SUMF1: variants seen among roughly 807,000 people sequenced by gnomAD.
SUMF1 encodes the protein sulfatase modifying factor 1.
SUMF1 carries 48 observed loss-of-function variants against 47.6 expected under a neutral mutation model. The observed-to-expected ratio is 1.01, with a 90% CI of 0.80 to 1.28. The LOEUF is 1.28. Among genes scored for constraint, SUMF1 ranks in the 50% most tolerant of loss-of-function variants. SUMF1 has a pLI of 0.00. For synonymous variants in SUMF1, 230 were observed against 192.1 expected (o/e 1.20, Z -1.63); for missense variants, 571 against 485.4 (o/e 1.18, Z -1.66).
rs2124844920 is a variant in SUMF1 at position 4,376,323 on chromosome 3, G to A, written c.1014+7C>T. ...GAACGGCAAAACAGTTTAGTGACAT[G>A]ACTTACCCTATGGCACATGTAGGAT... On this transcript the variant is annotated splice_region_variant and intron_variant, in intron 8 of 8. Transcript: ENST00000272902. 1 of 1,614,048 alleles carries A rather than the reference G, an allele frequency of 6.2e-7. No homozygotes were observed. Among genetic ancestry groups the A allele is most frequent in the Non-Finnish European group, 8.5e-7 (1 of 1,179,938 alleles).
At chr3:4,057,487 A>G (rs1695212122) in intron 9 of SUMF1, among the ~76,000 whole-genome samples, 1 of 152,146 alleles carries the variant, frequency 6.6e-6, no homozygotes, top group Non-Finnish European at 1.5e-5. Flanking sequence ...AAAAGAAAGA[A>G]CATAGAGAAA....
At chr3:4,457,058 G>GTATATATATATATATACGTGTGTGTATA (rs2079675077) in intron 1 of SUMF1, among the ~76,000 whole-genome samples, 1 of 86,048 alleles carries the variant, frequency 1.2e-5, no homozygotes, top group African/African-American at 3.3e-5. Flanking sequence ...ATACGTGTGT[G>GTATATATATATATATACGTGTGTGTATA]TATATATATA....
At chr3:4,323,986 C>G (rs972773558) in intron 8 of SUMF1, among the ~76,000 whole-genome samples, 3 of 151,790 alleles carry the variant, frequency 2.0e-5, no homozygotes, top group Non-Finnish European at 4.4e-5. Flanking sequence ...AATCTGTGTA[C>G]GTGTAAGTCT....
chr3:4,319,086 G>A (rs1698762619), intron 8 of SUMF1, among the ~76,000 whole-genome samples: 1 of 152,216 alleles, frequency 6.6e-6, no homozygotes, highest in African/African-American at 2.4e-5. Flanking sequence ...TAGGATGGTA[G>A]AAAGCGAAAA....
At chr3:4,175,550 G>C (rs998198432) in intron 8 of SUMF1, among the ~76,000 whole-genome samples, 1 of 152,136 alleles carries the variant, frequency 6.6e-6, no homozygotes, top group African/African-American at 2.4e-5. Context: ...CAACATCAAA[G>C]ACCAAAGGTA....
chr3:4,243,802 G>C (rs1036606266), intron 8 of SUMF1, among the ~76,000 whole-genome samples: 2 of 152,154 alleles, frequency 1.3e-5, no homozygotes, highest in African/African-American at 4.8e-5. Context: ...CTGAGTTCAA[G>C]TCCTGGGTAG....
chr3:4,419,525 G>C (rs540283621), intron 4 of SUMF1, among the ~76,000 whole-genome samples: 3 of 152,242 alleles, frequency 2.0e-5, no homozygotes, highest in African/African-American at 4.8e-5. Context: ...TTTTGCTTGA[G>C]ATAATTATTT....
At chr3:4,092,980 C>T (rs370625205) in intron 8 of SUMF1, among the ~76,000 whole-genome samples, 2 of 151,800 alleles carry the variant, frequency 1.3e-5, no homozygotes, top group East Asian at 1.9e-4. Flanking sequence ...CATGAATGTG[C>T]CAATGTTTAT....
At chr3:4,466,858 G>C (rs751487628) in intron 1 of SUMF1, 118 bp downstream of exon 1, 5 of 1,443,842 alleles carry the variant, frequency 3.5e-6, no homozygotes, top group Admixed American at 2.3e-5. Context: ...GCAGGTGCTC[G>C]ATTTGGGGTG....
intron 8 of SUMF1, among the ~76,000 whole-genome samples, chr3:4,294,842 T>A (rs1697814444): frequency 6.6e-6 from 1 of 152,052 alleles, no homozygotes; most frequent in Non-Finnish European, 1.5e-5. Context: ...TCAGGCACTG[T>A]AGTCAGACAC....
At chr3:4,150,933 A>C (rs143002827) in intron 8 of SUMF1, among the ~76,000 whole-genome samples, 51 of 151,558 alleles carry the variant, frequency 3.4e-4, no homozygotes, top group Non-Finnish European at 6.6e-4. Flanking sequence ...AACGGCCAGC[A>C]AACTCTTTCT....
chr3:4,368,851 G>A (rs185240916), intron 8 of SUMF1, among the ~76,000 whole-genome samples: 73 of 152,126 alleles, frequency 4.8e-4, no homozygotes, highest in Middle Eastern at 3.4e-3. Flanking sequence ...ATTGTTCTCC[G>A]ATCCAAAAAA....
chr3:4,282,891 A>AT, intron 8 of SUMF1, among the ~76,000 whole-genome samples: 1 of 152,182 alleles, frequency 6.6e-6, no homozygotes, highest in South Asian at 2.1e-4. Context: ...GTGAAAAATT[A>AT]TTTTTTTATT....
intron 7 of SUMF1, among the ~76,000 whole-genome samples, chr3:4,385,019 G>A (rs1458368705): frequency 6.6e-6 from 1 of 151,872 alleles, no homozygotes. Context: ...CCGAGTAGCT[G>A]GGATTACAGG....
In SUMF1 at chr3:4,362,115, C is replaced by T; in HGVS notation, c.*29G>A. On this transcript the variant is annotated 3_prime_UTR_variant, in exon 9 of 9. Coordinates refer to ENST00000272902, the MANE Select transcript of SUMF1 (RefSeq NM_182760.4). ...CAATGTAGGTCAGACACGACTGCTCCTTGGACTGGGGAAGACTTTCCTTGG... is the reference window on the plus strand; with the variant it reads ...CAATGTAGGTCAGACACGACTGCTCTTTGGACTGGGGAAGACTTTCCTTGG... The T allele has an allele frequency of 6.2e-7, 1 of 1,605,176 alleles. No individual in the cohort carries two copies.
rs554520879 is a variant in SUMF1 at position 4,034,804 on chromosome 3, C to T, written c.1191+33765G>A. 2.6e-5 allele frequency among the ~76,000 whole-genome samples: 4 copies of T among 152,110 alleles called. No individual in the cohort carries two copies. In the East Asian group the frequency reaches 7.8e-4, roughly 29 times the overall value. ...CATAGAGGTAGGTATAAGTAGACTG[C>T]TCTGGGCACACAGAAATAGAGCAAT... On this transcript the variant is annotated intron_variant and NMD_transcript_variant, in intron 9 of 12. Coordinates refer to the SUMF1 transcript ENST00000448413.
intron 8 of SUMF1, among the ~76,000 whole-genome samples, chr3:4,202,543 T>A (rs1695563575): frequency 6.6e-6 from 1 of 151,990 alleles, no homozygotes; most frequent in Admixed American, 6.6e-5. Flanking sequence ...GTAATGTTAT[T>A]CCTCTAGTTT....
chr3:4,382,159 C>T (rs571955384), intron 7 of SUMF1, among the ~76,000 whole-genome samples: 15 of 152,252 alleles, frequency 9.9e-5, no homozygotes, highest in African/African-American at 2.4e-4. Context: ...ATCCTCGTAA[C>T]GGATGGTTCA....
intron 8 of SUMF1, among the ~76,000 whole-genome samples, chr3:4,299,333 C>G (rs886443409): frequency 2.0e-5 from 3 of 152,174 alleles, no homozygotes; most frequent in East Asian, 1.9e-4. Context: ...AGGGGTACAC[C>G]TGAGGCCTCT....
Sources: gnomAD v4.1 joint callset for allele counts (sites outside exome capture counted in the v4.1 genomes callset) on GRCh38, gnomAD v4.1.1 for gene constraint, MANE v1.5 for transcripts, NCBI Gene and HGNC (gene_info 2026-07-23, HGNC 2026-07-21) for gene names.